The following VAV2 variants were observed in gnomAD, a reference collection of about 807,000 sequenced individuals.
VAV2 encodes guanine nucleotide exchange factor VAV2.
A neutral mutation model predicts 132.5 loss-of-function variants in VAV2; 67 were observed. That is an observed-to-expected ratio of 0.51 (90% confidence interval 0.42 to 0.62). The LOEUF (loss-of-function observed/expected upper bound fraction) is 0.62, where lower values mean the gene tolerates loss of function less well. VAV2 is among the 20% of genes least tolerant of loss of function. The pLI is 0.00. For missense variants in VAV2, 938 were observed against 1,153.6 expected, an observed-to-expected ratio of 0.81 and a Z score of 2.71; for synonymous variants, 492 against 443.5, an observed-to-expected ratio of 1.11 and a Z score of -1.37.
intron 1 of VAV2, among the ~76,000 whole-genome samples, chr9:133,965,422 C>T (rs1842111175): frequency 6.6e-6 from 1 of 150,856 alleles, no homozygotes; most frequent in Admixed American, 6.6e-5. Context: ...TCATTTGAAC[C>T]CACGAGATGA....
chr9:133,969,998 CTGCCACCCCCCAGACG>C lies in VAV2; in HGVS notation c.204+22061_204+22076del, dbSNP rs1196133103. On this transcript the variant is annotated intron_variant, in intron 1 of 29. Coordinates refer to ENST00000371850, the MANE Select transcript of VAV2 (RefSeq NM_001134398.2). The surrounding 1 kb of genome is among the most constrained non-coding windows in gnomAD (Gnocchi z 5.1). ...CCTTCAAGGCAGTGACTCAGAGTTC[CTGCCACCCCCCAGACG>C]TGCAGGGTGGTCTGCACCCCCTGGC... Among the ~76,000 whole-genome samples, 1 of 152,138 alleles carries C rather than the reference CTGCCACCCCCCAGACG, an allele frequency of 6.6e-6. No homozygotes were observed. Among genetic ancestry groups the C allele is most frequent in the Non-Finnish European group, 1.5e-5 (1 of 68,002 alleles).
intron 3 of VAV2, among the ~76,000 whole-genome samples, chr9:133,844,704 G>A (rs1251452850): frequency 6.6e-6 from 1 of 152,248 alleles, no homozygotes; most frequent in Non-Finnish European, 1.5e-5. Flanking sequence ...CTTGGCCTGG[G>A]GACCCTCGGC....
At chr9:133,920,593 C>CT in intron 2 of VAV2, among the ~76,000 whole-genome samples, 1 of 152,278 alleles carries the variant, frequency 6.6e-6, no homozygotes, top group Admixed American at 6.5e-5. Context: ...GAGGTGCCCC[C>CT]TCCCCAGGTG....
chr9:133,802,322 G>GCACACACACA lies in VAV2; in HGVS notation c.836+3758_836+3759insTGTGTGTGTG, dbSNP rs1834962289. Among the ~76,000 whole-genome samples the GCACACACACA allele has an allele frequency of 1.2e-5, 1 of 84,810 alleles. No individual in the cohort carries two copies. The highest frequency in any genetic ancestry group is 5.5e-5 in the African/African-American group (1 of 18,302). 55.6% of individuals were successfully genotyped at this position (84,810 alleles called of 152,430 possible). On this transcript the variant is annotated intron_variant, in intron 9 of 29. Transcript: ENST00000371850. This position sits in a 1 kb window ranked among gnomAD's most constrained non-coding sequence, Gnocchi z 5.8. ...TGCACACAAACACACAAGCACGCGTGTACACACACACACACACACACACAC... is the reference window on the plus strand; with the variant it reads ...TGCACACAAACACACAAGCACGCGTGCACACACACATACACACACACACACACACACACAC...
At chr9:133,960,924 G>A (rs559269491) in intron 1 of VAV2, among the ~76,000 whole-genome samples, 1 of 152,338 alleles carries the variant, frequency 6.6e-6, no homozygotes, top group African/African-American at 2.4e-5. Flanking sequence ...TGCTCGAGCC[G>A]GCCTTGGAGA....
At chr9:133,764,136 G>C (rs765870545) in intron 29 of VAV2, 27 bp from the exon 30 acceptor site, 2 of 324,446 alleles carry the variant, frequency 6.2e-6, no homozygotes, top group Non-Finnish European at 9.5e-6. Flanking sequence ...GATCGTGTCT[G>C]TGTGTGTGTG....
At position 133,915,082 on chromosome 9, in the gene VAV2, T is replaced by C. The variant is rs573341727; in HGVS notation, c.321+24021A>G. ...AAGGAGTGCTTTGAAACAGGCCGCT[T>C]GGCCGGAAGAGCACCGGCCTGTTCT... On this transcript the variant is annotated intron_variant, in intron 2 of 29. Transcript: ENST00000371850. 3.3e-5 allele frequency among the ~76,000 whole-genome samples: 5 copies of C among 152,240 alleles called. 1 individual carries two copies. The South Asian group carries it at 1.0e-3, about 32-fold the overall frequency.
chr9:133,888,675 C>T (rs2131962915), intron 2 of VAV2, among the ~76,000 whole-genome samples: 1 of 152,318 alleles, frequency 6.6e-6, no homozygotes, highest in South Asian at 2.1e-4. Context: ...CCAACGTCCC[C>T]CAAACAGGGT....
At position 133,840,625 on chromosome 9, in the gene VAV2, A is replaced by G. The variant is rs1039189550; in HGVS notation, c.381-6285T>C. 2.0e-5 allele frequency among the ~76,000 whole-genome samples: 3 copies of G among 152,188 alleles called. No individual in the cohort carries two copies. Among genetic ancestry groups the G allele is most frequent in the East Asian group, 1.9e-4 (1 of 5,188 alleles). ...CCCGAAGGAAGAGCAGAGGAAACAC[A>G]GCTCCTGCTTCCAAAGAGCTCCTTC... On this transcript the variant is annotated intron_variant, in intron 3 of 29. Transcript: ENST00000371850. This position sits in a 1 kb window ranked among gnomAD's most constrained non-coding sequence, Gnocchi z 4.5.
At chr9:133,895,117 A>G (rs1564444433) in intron 2 of VAV2, among the ~76,000 whole-genome samples, 1 of 152,086 alleles carries the variant, frequency 6.6e-6, no homozygotes, top group Non-Finnish European at 1.5e-5. Flanking sequence ...GGAGAATGAC[A>G]CCAGCACAAG....
rs577293318 is a variant in VAV2, at chr9:133,857,618, A to G, written c.380+3756T>C. ...TCACTAACACTACAAAACGCTCGAA[A>G]TGAAATAGTGTCTTGTGAAGTGCTG... On this transcript the variant is annotated intron_variant, in intron 3 of 29. Coordinates refer to ENST00000371850, the MANE Select transcript of VAV2 (RefSeq NM_001134398.2). This position sits in a 1 kb window ranked among gnomAD's most constrained non-coding sequence, Gnocchi z 4.0. Among the ~76,000 whole-genome samples the G allele has an allele frequency of 3.9e-5, 6 of 152,216 alleles. No homozygotes were observed. Among genetic ancestry groups the G allele is most frequent in the Non-Finnish European group, 7.3e-5 (5 of 68,050 alleles).
chr9:133,926,088 G>A lies in VAV2; in HGVS notation c.321+13015C>T, dbSNP rs922046276. 1 of 151,106 alleles carries A rather than the reference G, an allele frequency of 6.6e-6. No homozygotes were observed. 9.4% of individuals were successfully genotyped at this position (151,106 alleles called of 1,614,324 possible). On this transcript the variant is annotated intron_variant, in intron 2 of 29. Transcript: ENST00000371850. This position sits in a 1 kb window ranked among gnomAD's most constrained non-coding sequence, Gnocchi z 4.3. ...ATGCAAGCTCTCAGCCAACGGGGTGGGGACTCACAGGAAAGAGAAGTGACA... is the reference window on the plus strand; with the variant it reads ...ATGCAAGCTCTCAGCCAACGGGGTGAGGACTCACAGGAAAGAGAAGTGACA...
chr9:133,869,410 A>G (rs1304934309), intron 2 of VAV2, among the ~76,000 whole-genome samples: 1 of 152,000 alleles, frequency 6.6e-6, no homozygotes, highest in Non-Finnish European at 1.5e-5. Flanking sequence ...GTCTGAGGCC[A>G]GCCTGAGCAA....
intron 1 of VAV2, among the ~76,000 whole-genome samples, chr9:133,970,668 G>C (rs1842301582): frequency 6.6e-6 from 1 of 152,176 alleles, no homozygotes; most frequent in Non-Finnish European, 1.5e-5. Context: ...CTCTGGCCTA[G>C]CTACCAACAA....
rs778210142 is a variant in VAV2 at position 133,969,215 on chromosome 9, G to A, written c.204+22860C>T. On this transcript the variant is annotated intron_variant, in intron 1 of 29. Coordinates refer to ENST00000371850, the MANE Select transcript of VAV2 (RefSeq NM_001134398.2). This position sits in a 1 kb window ranked among gnomAD's most constrained non-coding sequence, Gnocchi z 5.1. The stretch of plus-strand genomic sequence containing the variant: ...CCGTGCCCGCCGGGCCTGCGAGGAC[G>A]AGCCTCTGCACCTGCTTCCCTCCTG... Among the ~76,000 whole-genome samples the A allele has an allele frequency of 5.3e-5, 8 of 152,094 alleles. No individual in the cohort carries two copies. The highest frequency in any genetic ancestry group is 7.4e-5 in the Non-Finnish European group (5 of 68,018).
chr9:133,774,214 C>T (rs373113579), intron 25 of VAV2, among the ~76,000 whole-genome samples: 2 of 152,160 alleles, frequency 1.3e-5, no homozygotes, highest in East Asian at 3.9e-4. Flanking sequence ...CTCTGTGAGG[C>T]CTTCATACAG....
At chr9:133,864,904 G>A (rs1238274176) in intron 2 of VAV2, among the ~76,000 whole-genome samples, 6 of 152,228 alleles carry the variant, frequency 3.9e-5, no homozygotes, top group Non-Finnish European at 8.8e-5. Context: ...CTCCTCCGGG[G>A]TAGGAACAAA....
At chr9:133,796,379 C>CT (rs1564356403) in intron 11 of VAV2, 50 bp downstream of exon 11, 1 of 1,548,612 alleles carries the variant, frequency 6.5e-7, no homozygotes, top group Non-Finnish European at 8.8e-7. Flanking sequence ...CAGCCCTCAT[C>CT]TGACTCCAGC....
chr9:133,847,868 C>T (rs943389052), intron 3 of VAV2, among the ~76,000 whole-genome samples: 7 of 152,142 alleles, frequency 4.6e-5, no homozygotes, highest in African/African-American at 1.7e-4. Context: ...AGAAGGGCCA[C>T]AGTGACAGAT....
Sources: allele counts gnomAD v4.1 joint callset (sites outside exome capture counted in the v4.1 genomes callset), GRCh38; gene constraint gnomAD v4.1.1; non-coding constraint Gnocchi (gnomAD v3.1); transcripts MANE v1.5; gene names NCBI Gene and HGNC (gene_info 2026-07-23, HGNC 2026-07-21).